The following NOC3L variants were observed in gnomAD, a reference collection of about 807,000 sequenced individuals.
The protein encoded by NOC3L is nucleolar complex protein 3 homolog.
In NOC3L, 85 loss-of-function variants were observed where a neutral mutation model predicts 102.5. The ratio of observed to expected loss-of-function variants is 0.83; its 90% CI spans 0.70 to 0.99. NOC3L has a LOEUF of 0.99. Among genes scored for constraint, NOC3L ranks in the 50% least tolerant of loss-of-function variants. The pLI is 0.00. For missense variants in NOC3L, 878 were observed against 914.9 expected, an observed-to-expected ratio of 0.96 and a Z score of 0.52; for synonymous variants, 303 against 309.4, an observed-to-expected ratio of 0.98 and a Z score of 0.22.
downstream of NOC3L, chr10:94,329,246 A>G (rs2054128082): frequency 1.3e-5 from 2 of 152,230 alleles, no homozygotes; most frequent in African/African-American, 4.8e-5. Context: ...CATTAAGTGT[A>G]AAGGATTCTT....
At chr10:94,329,957 T>C (rs2054140187), downstream of NOC3L, 1 of 152,180 alleles carries the variant, frequency 6.6e-6, no homozygotes, top group Non-Finnish European at 1.5e-5. Flanking sequence ...ATATTCATTC[T>C]AACAAATGCA....
downstream of NOC3L, chr10:94,331,283 T>C (rs903692588): frequency 6.6e-6 from 1 of 152,196 alleles, no homozygotes; most frequent in Non-Finnish European, 1.5e-5. Context: ...TTAATGAAAG[T>C]GGGCCCTCTA....
chr10:94,350,823 T>C (rs1397946720), intron 8 of NOC3L, among the ~76,000 whole-genome samples: 1 of 152,050 alleles, frequency 6.6e-6, no homozygotes, highest in East Asian at 1.9e-4. Flanking sequence ...AGGAGTCAAT[T>C]GAGCATTTGA....
At chr10:94,336,133 G>A (rs528878764) in intron 19 of NOC3L, among the ~76,000 whole-genome samples, 1 of 152,234 alleles carries the variant, frequency 6.6e-6, no homozygotes, top group South Asian at 2.1e-4. Flanking sequence ...GGCATAAATG[G>A]GTTAAAGTCT....
At chr10:94,334,603 T>C (rs749422127) in intron 20 of NOC3L, 31 bp downstream of exon 20, 2 of 1,518,832 alleles carry the variant, frequency 1.3e-6, no homozygotes, top group East Asian at 2.3e-5. Flanking sequence ...TTTCTATTTC[T>C]TCCTTTAAAA....
downstream of NOC3L, chr10:94,332,206 T>C (rs1385654941): frequency 6.6e-6 from 1 of 152,174 alleles, no homozygotes; most frequent in Admixed American, 6.6e-5. Flanking sequence ...CAAAACATAC[T>C]ATGCACAAGC....
chr10:94,361,747 T>C lies in NOC3L; in HGVS notation c.135A>G (p.Glu45=), dbSNP rs1349908080. The C allele has an allele frequency of 1.2e-6, 2 of 1,613,998 alleles. No individual in the cohort carries two copies. Among genetic ancestry groups the C allele is most frequent in the African/African-American group, 1.3e-5 (1 of 74,940 alleles). The change falls in exon 2 of 21, where the codon GAA becomes GAG. Residue 45 remains glutamate (E), a synonymous_variant. Transcript: ENST00000371361. ...TCACAGCTTGCCTTAGTTTCCTCTG[T>C]TCTTTTCGGTACTTCTTGAGAGTGC... ...QQSTLKKYRK[E]QRKLRQAVKD... is the part of the protein sequence containing the mutation.
rs767299525 is a variant in NOC3L, at chr10:94,361,779, GTTTAAACTGCTTA to G, written c.90_102del (p.Lys31AsnfsTer15). Reference sequence around the variant, plus strand: ...CGGTACTTCTTGAGAGTGCTTTGTTGTTTAAACTGCTTATTTTTTAGCTTGTTTTCAAGTTTGA... The same window carrying G: ...CGGTACTTCTTGAGAGTGCTTTGTTGTTTTTTAGCTTGTTTTCAAGTTTGA... On this transcript the variant is annotated frameshift_variant, in exon 2 of 21. Transcript: ENST00000371361. LOFTEE classifies it high-confidence loss of function. The G allele has an allele frequency of 1.2e-6, 2 of 1,612,952 alleles. No individual in the cohort carries two copies. The highest frequency in any genetic ancestry group is 1.7e-6 in the Non-Finnish European group (2 of 1,179,356).
rs968353618 is a variant in NOC3L, at chr10:94,353,003, C to T, written c.751G>A (p.Ala251Thr). 1.2e-6 allele frequency: 2 copies of T among 1,613,740 alleles called. No individual in the cohort carries two copies. Among genetic ancestry groups the T allele is most frequent in the Non-Finnish European group, 1.7e-6 (2 of 1,179,718 alleles). ...SMLMEQDPDVAVTVRKLVIVS... is the reference protein window; with the variant it reads ...SMLMEQDPDVTVTVRKLVIVS... ...ATTACCAGCTTTCGAACAGTAACAG[C>T]CACATCAGGATCTTGTTCCATCAAC... Residue 251 changes from alanine (A) to threonine (T), a missense_variant, in exon 7 of 21, where the codon GCT becomes ACT. Transcript: ENST00000371361.
At position 94,356,803 on chromosome 10, in the gene NOC3L, G is replaced by A. The variant is rs149714595; in HGVS notation, c.509-212C>T. The stretch of plus-strand genomic sequence containing the variant: ...CTGAATAGTAGTTTTATAGGTATGC[G>A]CTTTGTTATAAACCATGTAACTTCA... On this transcript the variant is annotated intron_variant, in intron 4 of 20. Coordinates refer to ENST00000371361, the MANE Select transcript of NOC3L (RefSeq NM_022451.11). 2.5e-4 allele frequency among the ~76,000 whole-genome samples: 38 copies of A among 152,150 alleles called. No individual in the cohort carries two copies. The East Asian group carries it at 3.9e-3, about 15-fold the overall frequency.
At chr10:94,328,017 A>G in the NOC3L span, 1 of 530,070 alleles carries the variant, frequency 1.9e-6, no homozygotes, top group Non-Finnish European at 3.9e-6. Flanking sequence ...TGGAAAAAAT[A>G]TAATTATTTT....
the NOC3L span, among the ~76,000 whole-genome samples, chr10:94,317,664 G>A: frequency 1.3e-5 from 2 of 152,172 alleles, no homozygotes; most frequent in Non-Finnish European, 2.9e-5. Flanking sequence ...TCCTGGGAAG[G>A]AAAGGATGCA....
At chr10:94,341,616 T>C (rs764055263) in intron 14 of NOC3L, 57 bp downstream of exon 14, 3 of 931,972 alleles carry the variant, frequency 3.2e-6, no homozygotes, top group South Asian at 4.3e-5. Context: ...ACCTGAAAAA[T>C]TTTTAAAATA....
chr10:94,354,980 A>T lies in NOC3L; in HGVS notation c.679T>A (p.Ser227Thr). The change falls in exon 6 of 21, where the codon TCA becomes ACA. Residue 227 changes from serine to threonine, a missense_variant. Transcript: ENST00000371361. ...HIAALASAILSDPENNIKKLK... is the reference protein window; with the variant it reads ...HIAALASAILTDPENNIKKLK... ...CTACCTACATTATTTTCTGGATCTGATAATATGGCAGATGCCAAGGCTGCA... is the reference window on the plus strand; with the variant it reads ...CTACCTACATTATTTTCTGGATCTGTTAATATGGCAGATGCCAAGGCTGCA... The T allele has an allele frequency of 6.2e-7, 1 of 1,613,150 alleles. No homozygotes were observed. Among genetic ancestry groups the T allele is most frequent in the Admixed American group, 1.7e-5 (1 of 59,970 alleles).
At chr10:94,341,191 C>A (rs911285818) in intron 14 of NOC3L, among the ~76,000 whole-genome samples, 1 of 151,428 alleles carries the variant, frequency 6.6e-6, no homozygotes, top group Non-Finnish European at 1.5e-5. Flanking sequence ...AAAAAAAGAC[C>A]TATAAAGGTT....
downstream of NOC3L, chr10:94,332,505 CTG>C (rs10537252): frequency 0.34 from 49,373 of 145,436 alleles, 8,393 homozygotes; most frequent in South Asian, 0.42. Context: ...ATGTGTGTGC[CTG>C]TGTGTGTGTG....
chr10:94,357,730 T>C (rs2054504976), intron 3 of NOC3L: 2 of 254,548 alleles, frequency 7.9e-6, no homozygotes, highest in Non-Finnish European at 1.5e-5. Flanking sequence ...CAGGGAACCA[T>C]CAGTTTCCTC....
chr10:94,324,958 A>G, the NOC3L span: 2 of 1,614,086 alleles, frequency 1.2e-6, no homozygotes, highest in Non-Finnish European at 8.5e-7. Context: ...CACCAAGTCA[A>G]CTAAACAGCC....
At chr10:94,332,242 C>G (rs1368979572), downstream of NOC3L, 5 of 152,180 alleles carry the variant, frequency 3.3e-5, no homozygotes, top group Admixed American at 1.3e-4. Flanking sequence ...TCTCTGAAAC[C>G]TTCCCTATTG....
Sources: gnomAD v4.1 joint callset for allele counts (sites outside exome capture counted in the v4.1 genomes callset) on GRCh38, gnomAD v4.1.1 for gene constraint, MANE v1.5 for transcripts, NCBI Gene and HGNC (gene_info 2026-07-23, HGNC 2026-07-21) for gene names.